NRG3: variants seen among roughly 807,000 people sequenced by gnomAD.
The protein encoded by NRG3 is neuregulin 3, also known as pro-neuregulin-3, membrane-bound isoform.
NRG3 carries 31 observed loss-of-function variants against 66.9 expected under a neutral mutation model. The ratio of observed to expected loss-of-function variants is 0.46; its 90% CI spans 0.35 to 0.63. The LOEUF (loss-of-function observed/expected upper bound fraction) is 0.63. Among genes scored for constraint, NRG3 ranks in the 20% least tolerant of loss-of-function variants. The pLI, the probability that NRG3 is intolerant of heterozygous loss-of-function variation, is 0.00. For synonymous variants in NRG3, 393 were observed against 359.4 expected (o/e 1.09, Z -1.06); for missense variants, 910 against 878.9 (o/e 1.04, Z -0.45).
At chr10:82,426,403 A>G (rs563153292) in intron 2 of NRG3, among the ~76,000 whole-genome samples, 2 of 151,288 alleles carry the variant, frequency 1.3e-5, no homozygotes, top group Non-Finnish European at 2.9e-5. Context: ...TGTAAGCTCT[A>G]TGTATTCAAA....
chr10:82,701,580 T>C (rs2055884073), intron 2 of NRG3, among the ~76,000 whole-genome samples: 1 of 152,126 alleles, frequency 6.6e-6, no homozygotes, highest in Admixed American at 6.6e-5. Context: ...TTAGAACAGT[T>C]CAATAAACTC....
At chr10:82,759,194 C>CTA (rs2059203201) in intron 3 of NRG3, among the ~76,000 whole-genome samples, 1 of 151,918 alleles carries the variant, frequency 6.6e-6, no homozygotes, top group Non-Finnish European at 1.5e-5. Flanking sequence ...CTCTCTCTCT[C>CTA]TTACTTCCTC....
At chr10:82,836,826 TG>T (rs2062804370) in intron 3 of NRG3, among the ~76,000 whole-genome samples, 1 of 152,080 alleles carries the variant, frequency 6.6e-6, no homozygotes, top group Non-Finnish European at 1.5e-5. Context: ...TGTGCCATGT[TG>T]GTGTGCAGCA....
intron 4 of NRG3, among the ~76,000 whole-genome samples, chr10:82,902,036 G>C (rs932130033): frequency 6.6e-6 from 1 of 152,046 alleles, no homozygotes; most frequent in Admixed American, 6.5e-5. Context: ...TAGCTAGATG[G>C]ATATAACCAA....
chr10:82,421,127 C>T (rs2089033189), intron 2 of NRG3, among the ~76,000 whole-genome samples: 1 of 152,068 alleles, frequency 6.6e-6, no homozygotes, highest in Admixed American at 6.6e-5. Flanking sequence ...GTGAATATTA[C>T]TGACTGTTAA....
intron 2 of NRG3, among the ~76,000 whole-genome samples, chr10:82,633,197 G>A (rs2049963243): frequency 6.6e-6 from 1 of 152,180 alleles, no homozygotes; most frequent in Non-Finnish European, 1.5e-5. Context: ...TCCTTATAGT[G>A]CATTTGCTAG....
chr10:82,502,528 C>A (rs1269463160), intron 2 of NRG3, among the ~76,000 whole-genome samples: 3 of 152,090 alleles, frequency 2.0e-5, no homozygotes, highest in African/African-American at 7.2e-5. Context: ...TTGCATTTTT[C>A]TGATATTTCA....
intron 2 of NRG3, among the ~76,000 whole-genome samples, chr10:82,582,147 A>T (rs1333203383): frequency 6.6e-6 from 1 of 152,104 alleles, no homozygotes; most frequent in Non-Finnish European, 1.5e-5. Flanking sequence ...GTCAGCAAAA[A>T]AATTCCCTTT....
intron 1 of NRG3, among the ~76,000 whole-genome samples, chr10:81,993,408 G>A (rs964866457): frequency 3.9e-5 from 6 of 152,092 alleles, no homozygotes; most frequent in African/African-American, 1.4e-4. Context: ...GTGCAGAGGT[G>A]TGATCATAGC....
intron 2 of NRG3, among the ~76,000 whole-genome samples, chr10:82,539,522 G>A (rs975165871): frequency 2.0e-5 from 3 of 152,116 alleles, no homozygotes; most frequent in African/African-American, 7.2e-5. Context: ...TACCTCTGAG[G>A]ACAGTCCTTG....
intron 1 of NRG3, among the ~76,000 whole-genome samples, chr10:82,188,022 A>C (rs1325103469): frequency 6.6e-6 from 1 of 152,140 alleles, no homozygotes; most frequent in Non-Finnish European, 1.5e-5. Context: ...ATCCTAAGGA[A>C]AACAAAACTG....
intron 2 of NRG3, among the ~76,000 whole-genome samples, chr10:82,731,083 G>C (rs1239099099): frequency 6.6e-6 from 1 of 151,882 alleles, no homozygotes; most frequent in East Asian, 1.9e-4. Context: ...AATATCACTG[G>C]AAGCTGGGTG....
At chr10:81,987,871 T>C (rs902606822) in intron 1 of NRG3, among the ~76,000 whole-genome samples, 1 of 152,200 alleles carries the variant, frequency 6.6e-6, no homozygotes, top group East Asian at 1.9e-4. Context: ...ATGTTTTTGA[T>C]ATATTTCGTC....
intron 1 of NRG3, among the ~76,000 whole-genome samples, chr10:82,318,181 T>C (rs557202577): frequency 2.0e-5 from 3 of 151,834 alleles, no homozygotes; most frequent in Non-Finnish European, 2.9e-5. Flanking sequence ...AATTTCCTCA[T>C]GGGCAAAATT....
chr10:82,921,253 A>G (rs1360340493), intron 4 of NRG3, among the ~76,000 whole-genome samples: 1 of 152,170 alleles, frequency 6.6e-6, no homozygotes, highest in Non-Finnish European at 1.5e-5. Flanking sequence ...CGATTGAGGA[A>G]CATTCTACAA....
chr10:82,918,016 A>T (rs546706458), intron 4 of NRG3, among the ~76,000 whole-genome samples: 1 of 145,960 alleles, frequency 6.9e-6, no homozygotes, highest in African/African-American at 2.6e-5. Context: ...CTCTCTCTAT[A>T]TATATACATA....
chr10:82,433,756 T>G (rs2089965333), intron 2 of NRG3, among the ~76,000 whole-genome samples: 1 of 152,182 alleles, frequency 6.6e-6, no homozygotes, highest in Admixed American at 6.5e-5. Flanking sequence ...ATCAGATGGT[T>G]GTAGATGTGT....
intron 2 of NRG3, among the ~76,000 whole-genome samples, chr10:82,408,046 C>CGAGAGAGAGA (rs536927208): frequency 5.7e-4 from 31 of 54,408 alleles, no homozygotes; most frequent in East Asian, 1.7e-3. Context: ...AAGACTACAT[C>CGAGAGAGAGA]GAGAGAGAGA....
At chr10:81,909,619 A>T (rs1160595751) in intron 1 of NRG3, among the ~76,000 whole-genome samples, 2 of 152,190 alleles carry the variant, frequency 1.3e-5, no homozygotes, top group African/African-American at 4.8e-5. Context: ...ACAGAGTAAC[A>T]ACAACATAAA....
Sources: gnomAD v4.1 joint callset for allele counts (sites outside exome capture counted in the v4.1 genomes callset) on GRCh38, gnomAD v4.1.1 for gene constraint, MANE v1.5 for transcripts, NCBI Gene and HGNC (gene_info 2026-07-23, HGNC 2026-07-21) for gene names.